Variants in SVIL observed in about 807,000 individuals in gnomAD.
SVIL encodes the protein archvillin.
SVIL carries 101 observed loss-of-function variants against 240.4 expected under a neutral mutation model. The ratio of observed to expected loss-of-function variants is 0.42; its 90% CI spans 0.36 to 0.50. The LOEUF (loss-of-function observed/expected upper bound fraction) is 0.50. SVIL is among the 20% of genes least tolerant of loss of function. SVIL has a pLI of 0.01. For synonymous variants in SVIL, 999 were observed against 1,100.0 expected (o/e 0.91, Z 1.82); for missense variants, 2,512 against 2,818.7 (o/e 0.89, Z 2.46).
At chr10:29,619,158 G>A (rs947725296) in intron 1 of SVIL, among the ~76,000 whole-genome samples, 6 of 152,046 alleles carry the variant, frequency 3.9e-5, no homozygotes, top group South Asian at 2.1e-4. Context: ...GTCATTATGC[G>A]CAAAAAAAAT....
intron 3 of SVIL, among the ~76,000 whole-genome samples, chr10:29,560,997 A>G (rs1954413758): frequency 6.6e-6 from 1 of 151,714 alleles, no homozygotes; most frequent in African/African-American, 2.4e-5. Flanking sequence ...AATTTTTTGT[A>G]TTTTTAGTAG....
chr10:29,620,836 C>T (rs956884888), intron 1 of SVIL, among the ~76,000 whole-genome samples: 10 of 152,198 alleles, frequency 6.6e-5, no homozygotes, highest in African/African-American at 2.4e-4. Context: ...CCAGGCCGGT[C>T]TCAAACTCCT....
chr10:29,634,042 C>T (rs1350654007), intron 1 of SVIL, among the ~76,000 whole-genome samples: 2 of 152,090 alleles, frequency 1.3e-5, no homozygotes, highest in African/African-American at 4.8e-5. Context: ...GAACTCCACC[C>T]CCATACTTGT....
chr10:29,490,538 A>C (rs1947845205), intron 22 of SVIL, among the ~76,000 whole-genome samples: 1 of 150,320 alleles, frequency 6.7e-6, no homozygotes, highest in South Asian at 2.2e-4. Flanking sequence ...GTTTGAGGCC[A>C]GAGAGTTTGA....
intron 17 of SVIL, among the ~76,000 whole-genome samples, chr10:29,502,819 G>A (rs1949005487): frequency 1.3e-5 from 2 of 152,114 alleles, no homozygotes; most frequent in South Asian, 4.1e-4. Flanking sequence ...ATACTTTTAG[G>A]TTGCCTGATG....
chr10:29,689,830 G>C (rs951667738), intron 1 of SVIL, among the ~76,000 whole-genome samples: 1 of 152,176 alleles, frequency 6.6e-6, no homozygotes, highest in African/African-American at 2.4e-5. Context: ...ACCTCCCACA[G>C]ATGTATGTCC....
Position 29,648,001 on chromosome 10 carries a change from C to T in SVIL, c.-201+9968G>A, listed in dbSNP as rs182852263. 2.8e-3 allele frequency among the ~76,000 whole-genome samples: 400 copies of T among 144,800 alleles called. 2 individuals carry two copies. Among genetic ancestry groups the T allele is most frequent in the South Asian group, 8.0e-3 (36 of 4,476 alleles). The allele number at this position is 144,800 out of a possible 152,430, so 95.0% of individuals were successfully genotyped here. The stretch of plus-strand genomic sequence containing the variant: ...AAAAAAAAAACAAAAAAAATCATTA[C>T]CAGAAAAAAAAAAAAAAGAGAGAAT... On this transcript the variant is annotated intron_variant, in intron 3 of 35. Coordinates refer to the SVIL transcript ENST00000375400.
chr10:29,560,351 G>T (rs752027614), intron 3 of SVIL, among the ~76,000 whole-genome samples: 2 of 152,154 alleles, frequency 1.3e-5, no homozygotes, highest in Non-Finnish European at 2.9e-5. Context: ...CAACGTAATC[G>T]CATACTTTAA....
intron 1 of SVIL, among the ~76,000 whole-genome samples, chr10:29,620,570 T>G (rs1241072845): frequency 1.3e-5 from 2 of 152,238 alleles, no homozygotes; most frequent in Non-Finnish European, 2.9e-5. Context: ...TCAACTTGTG[T>G]ATTCATCTAC....
chr10:29,577,063 T>C (rs1202461192), intron 1 of SVIL, among the ~76,000 whole-genome samples: 4 of 152,118 alleles, frequency 2.6e-5, no homozygotes, highest in Non-Finnish European at 5.9e-5. Flanking sequence ...GTATTTTTAG[T>C]AGAGACGGGT....
At position 29,495,238 on chromosome 10, in the gene SVIL, G is replaced by A. The variant is rs374852147; in HGVS notation, c.3665-57C>T. 8.4e-5 allele frequency: 88 copies of A among 1,047,460 alleles called. 7 individuals are homozygous for A. Among genetic ancestry groups the A allele is most frequent in the African/African-American group, 7.9e-4 (36 of 45,694 alleles). 64.9% of individuals were successfully genotyped at this position (1,047,460 alleles called of 1,614,324 possible). A position where few individuals can be genotyped will look rare whatever the true frequency, so the allele number is the denominator to read the frequency against. ...CTCAGGGTCACTTCTGGAAATCTCCGGGACCCTGGTGGATCTCCAGAAATC... is the reference window on the plus strand; with the variant it reads ...CTCAGGGTCACTTCTGGAAATCTCCAGGACCCTGGTGGATCTCCAGAAATC... On this transcript the variant is annotated intron_variant, in intron 18 of 37. Coordinates refer to ENST00000355867, the MANE Select transcript of SVIL (RefSeq NM_021738.3).
intron 1 of SVIL, among the ~76,000 whole-genome samples, chr10:29,580,907 C>T (rs761141632): frequency 5.9e-5 from 9 of 152,270 alleles, no homozygotes; most frequent in South Asian, 2.1e-4. Flanking sequence ...CTTGGCCTCC[C>T]GAAGTGCTGG....
At chr10:29,563,748 A>G (rs1954718380) in intron 2 of SVIL, among the ~76,000 whole-genome samples, 1 of 152,172 alleles carries the variant, frequency 6.6e-6, no homozygotes, top group Non-Finnish European at 1.5e-5. Context: ...CAAACAACCA[A>G]GGCATCAAAG....
At position 29,488,674 on chromosome 10, in the gene SVIL, G is replaced by A. The variant is rs142669443; in HGVS notation, c.4275C>T (p.Ser1425=). Residue 1425 remains serine (S), a synonymous_variant, in exon 23 of 38, where the codon AGC becomes AGT. Coordinates refer to ENST00000355867, the MANE Select transcript of SVIL (RefSeq NM_021738.3). ...TAGAGTTCTGTTCCGTCAGGTTGAC[G>A]CTCCGCAGGCTGACGTTGCTGAAGT... The part of the protein sequence containing the change: ...KENFSNVSLR[S]VNLTEQNSNN... 6.4e-5 allele frequency: 104 copies of A among 1,612,768 alleles called. No homozygotes were observed. The African/African-American group carries it at 1.3e-3, about 19-fold the overall frequency.
At chr10:29,606,006 G>A (rs993929386) in intron 1 of SVIL, among the ~76,000 whole-genome samples, 6 of 152,108 alleles carry the variant, frequency 3.9e-5, no homozygotes, top group South Asian at 2.1e-4. Context: ...CGCCTCCTGG[G>A]TTCAAGCAGT....
intron 1 of SVIL, among the ~76,000 whole-genome samples, chr10:29,717,439 C>T (rs1963699309): frequency 6.6e-6 from 1 of 151,992 alleles, no homozygotes; most frequent in South Asian, 2.1e-4. Flanking sequence ...TGGTTTCATA[C>T]ATTTTTGTAA....
chr10:29,617,560 G>A (rs1046240300), intron 1 of SVIL, among the ~76,000 whole-genome samples: 9 of 141,388 alleles, frequency 6.4e-5, no homozygotes, highest in Non-Finnish European at 9.2e-5. Context: ...CAGCCTGGGC[G>A]AAAAAGGAAA....
At chr10:29,493,965 A>G (rs766109790) in intron 20 of SVIL, among the ~76,000 whole-genome samples, 1 of 152,190 alleles carries the variant, frequency 6.6e-6, no homozygotes, top group Non-Finnish European at 1.5e-5. Context: ...GCTTGAGCCC[A>G]GGACTTCAGC....
At chr10:29,510,321 T>C (rs191861340) in intron 17 of SVIL, among the ~76,000 whole-genome samples, 1 of 152,252 alleles carries the variant, frequency 6.6e-6, no homozygotes, top group East Asian at 1.9e-4. Flanking sequence ...ACATCCTTTA[T>C]CGTACTTTTT....
Sources: allele counts gnomAD v4.1 joint callset (sites outside exome capture counted in the v4.1 genomes callset), GRCh38; gene constraint gnomAD v4.1.1; transcripts MANE v1.5; gene names NCBI Gene and HGNC (gene_info 2026-07-23, HGNC 2026-07-21).